UBAP2: variants seen among roughly 807,000 people sequenced by gnomAD.
UBAP2 encodes ubiquitin-associated protein 2.
UBAP2 carries 75 observed loss-of-function variants against 139.6 expected under a neutral mutation model. The observed-to-expected ratio is 0.54, with a 90% confidence interval of 0.45 to 0.65. The LOEUF is 0.65. Among genes scored for constraint, UBAP2 ranks in the 30% least tolerant of loss-of-function variants. UBAP2 has a pLI of 0.00. For missense variants in UBAP2, 1,368 were observed against 1,369.6 expected, an observed-to-expected ratio of 1.00 and a Z score of 0.02; for synonymous variants, 526 against 526.2, an observed-to-expected ratio of 1.00 and a Z score of 0.01.
intron 6 of UBAP2, among the ~76,000 whole-genome samples, chr9:33,976,681 T>C (rs530393207): frequency 6.6e-6 from 1 of 152,296 alleles, no homozygotes; most frequent in South Asian, 2.1e-4. Flanking sequence ...AAATGTATGG[T>C]ATGTAAATTT....
chr9:34,026,335 T>C (rs1039604419), intron 1 of UBAP2, among the ~76,000 whole-genome samples: 1 of 152,164 alleles, frequency 6.6e-6, no homozygotes, highest in Non-Finnish European at 1.5e-5. Context: ...AGCTACTACA[T>C]CAAATAAATT....
chr9:33,956,317 ATTTTT>A (rs55858327), intron 10 of UBAP2, among the ~76,000 whole-genome samples, 171 bp from the exon 11 acceptor site: 4 of 134,014 alleles, frequency 3.0e-5, no homozygotes, highest in Non-Finnish European at 3.2e-5. Context: ...AGTGAATGCA[ATTTTT>A]TTTTTTTTTT....
intron 20 of UBAP2, 78 bp downstream of exon 20, chr9:33,927,719 G>A (rs1460103087): frequency 1.4e-6 from 2 of 1,470,246 alleles, no homozygotes; most frequent in Non-Finnish European, 1.8e-6. Flanking sequence ...CCTGACACCT[G>A]CACTGCCTTC....
chr9:34,029,816 C>T (rs1825732575), intron 1 of UBAP2, among the ~76,000 whole-genome samples: 1 of 150,782 alleles, frequency 6.6e-6, no homozygotes. Flanking sequence ...GGTGAAAACC[C>T]ATCTCTACTA....
At chr9:34,000,349 G>A (rs1458971826) in intron 2 of UBAP2, among the ~76,000 whole-genome samples, 1 of 152,074 alleles carries the variant, frequency 6.6e-6, no homozygotes, top group Admixed American at 6.6e-5. Context: ...CTGAAGTTTC[G>A]TTTTCTGATG....
At chr9:34,023,378 ACTTAAT>A (rs1825130701) in intron 1 of UBAP2, among the ~76,000 whole-genome samples, 1 of 152,214 alleles carries the variant, frequency 6.6e-6, no homozygotes, top group Non-Finnish European at 1.5e-5. Flanking sequence ...CAGAAAAATG[ACTTAAT>A]CTTTATAGCC....
intron 2 of UBAP2, among the ~76,000 whole-genome samples, chr9:34,009,249 C>G (rs771877483): frequency 1.3e-5 from 2 of 151,814 alleles, no homozygotes; most frequent in Non-Finnish European, 2.9e-5. Context: ...CAGGTGCACA[C>G]CACCACGGCC....
intron 3 of UBAP2, 108 bp downstream of exon 3, chr9:33,998,679 T>A (rs1159083666): frequency 1.1e-6 from 1 of 946,250 alleles, no homozygotes; most frequent in African/African-American, 1.7e-5. Flanking sequence ...CAGGTGAGAC[T>A]AGAAGCTAGA....
intron 10 of UBAP2, among the ~76,000 whole-genome samples, chr9:33,957,614 C>T (rs181583354): frequency 1.3e-5 from 2 of 152,116 alleles, no homozygotes; most frequent in East Asian, 3.8e-4. Context: ...TTTTTGAAAC[C>T]TCAACTGACA....
intron 4 of UBAP2, among the ~76,000 whole-genome samples, chr9:33,989,878 C>G (rs1318215869): frequency 1.3e-5 from 2 of 152,116 alleles, no homozygotes; most frequent in African/African-American, 4.8e-5. Flanking sequence ...AACTAATTAT[C>G]TAAAACAATT....
intron 22 of UBAP2, 98 bp downstream of exon 22, chr9:33,926,519 A>C: frequency 7.3e-7 from 1 of 1,363,308 alleles, no homozygotes; most frequent in Non-Finnish European, 1.1e-6. Context: ...CAGGCAGAGG[A>C]TCCTAAGGGC....
At chr9:34,002,730 T>C (rs994820648) in intron 2 of UBAP2, among the ~76,000 whole-genome samples, 2 of 151,958 alleles carry the variant, frequency 1.3e-5, no homozygotes, top group East Asian at 3.9e-4. Context: ...TGGAGTGCAA[T>C]GGCACAATCA....
chr9:33,998,846 G>C lies in UBAP2; in HGVS notation c.118C>G (p.Arg40Gly), dbSNP rs181234484. ...QVVQATAEQMRLAQVIFDKND... is the reference protein window; with the variant it reads ...QVVQATAEQMGLAQVIFDKND... ...TTATCAAAGATCACTTGAGCGAGACGCATCTGTTCAGCTGTTGCCTGGAAA... is the reference window on the plus strand; with the variant it reads ...TTATCAAAGATCACTTGAGCGAGACCCATCTGTTCAGCTGTTGCCTGGAAA... Residue 40 changes from arginine to glycine, a missense_variant, in exon 3 of 29, where the codon CGT (arginine) becomes GGT (glycine). Arg to Gly is a moderately radical substitution (Grantham distance 125). Transcript: ENST00000379238. 1.2e-6 allele frequency: 2 copies of C among 1,610,972 alleles called. No individual in the cohort carries two copies. The highest frequency in any genetic ancestry group is 2.2e-5 in the East Asian group (1 of 44,844).
chr9:33,968,257 A>G, intron 8 of UBAP2: 1 of 621,222 alleles, frequency 1.6e-6, no homozygotes, highest in Non-Finnish European at 3.1e-6. Flanking sequence ...AGCTGGATGC[A>G]AGTCCTTCCA....
At chr9:34,040,768 C>T (rs1826999278) in intron 1 of UBAP2, among the ~76,000 whole-genome samples, 1 of 152,174 alleles carries the variant, frequency 6.6e-6, no homozygotes, top group African/African-American at 2.4e-5. Flanking sequence ...ATTCTTAGGG[C>T]ATCCACTCTG....
intron 10 of UBAP2, among the ~76,000 whole-genome samples, chr9:33,960,603 T>G (rs2131006974): frequency 6.6e-6 from 1 of 151,736 alleles, no homozygotes; most frequent in South Asian, 2.1e-4. Context: ...TGGTGAAACA[T>G]CGTCTCTACT....
chr9:33,960,635 C>T (rs986610776), intron 10 of UBAP2, among the ~76,000 whole-genome samples, 191 bp downstream of exon 10: 4 of 152,030 alleles, frequency 2.6e-5, no homozygotes, highest in Admixed American at 1.3e-4. Context: ...ACAAAATTAG[C>T]CAGGCATGGT....
intron 12 of UBAP2, among the ~76,000 whole-genome samples, chr9:33,951,163 A>C (rs1826062529): frequency 6.8e-6 from 1 of 146,926 alleles, no homozygotes. Context: ...CTATGATTAC[A>C]GGGCATGTGC....
Position 33,948,523 on chromosome 9 carries a change from G to A in UBAP2, c.1121C>T (p.Ser374Phe). 5 of 1,614,176 alleles carry A rather than the reference G, an allele frequency of 3.1e-6. No homozygotes were observed. Among genetic ancestry groups the A allele is most frequent in the Non-Finnish European group, 4.2e-6 (5 of 1,180,034 alleles). The change falls in exon 13 of 29, where the codon TCC becomes TTC. Residue 374 changes from serine (S) to phenylalanine (F), a missense_variant. Physicochemically the swap from Ser to Phe is radical, Grantham distance 155. Transcript: ENST00000379238. ...APPKMANITS[S>F]QILDQLKAPS... The stretch of plus-strand genomic sequence containing the variant: ...AGCTTTCAACTGGTCCAAAATCTGG[G>A]AGCTGGTGATGTTTGCCATTTTTGG...
Sources: gnomAD v4.1 joint callset for allele counts (sites outside exome capture counted in the v4.1 genomes callset) on GRCh38, gnomAD v4.1.1 for gene constraint, MANE v1.5 for transcripts, NCBI Gene and HGNC (gene_info 2026-07-23, HGNC 2026-07-21) for gene names.